DPP10: variants seen among roughly 807,000 people sequenced by gnomAD.
DPP10 encodes dipeptidyl peptidase like 10.
A neutral mutation model predicts 120.9 loss-of-function variants in DPP10; 33 were observed. The ratio of observed to expected loss-of-function variants is 0.27; its 90% confidence interval spans 0.21 to 0.37. The LOEUF (loss-of-function observed/expected upper bound fraction) is 0.37. Among genes scored for constraint, DPP10 ranks in the 10% least tolerant of loss-of-function variants. The pLI is 1.00. For missense variants in DPP10, 816 were observed against 942.8 expected (o/e 0.87, Z 1.76); for synonymous variants, 337 against 326.1 (o/e 1.03, Z -0.36).
At chr2:115,829,959 T>C (rs939579472) in intron 21 of DPP10, among the ~76,000 whole-genome samples, 1 of 152,100 alleles carries the variant, frequency 6.6e-6, no homozygotes, top group Non-Finnish European at 1.5e-5. Flanking sequence ...CCTAACCTCA[T>C]TTAATATATA....
chr2:115,020,017 A>G (rs1702956315), intron 1 of DPP10, among the ~76,000 whole-genome samples: 1 of 152,214 alleles, frequency 6.6e-6, no homozygotes, highest in Non-Finnish European at 1.5e-5. Flanking sequence ...CAAAAGGAGC[A>G]TGAAATCTTA....
At chr2:115,592,780 AAAG>A (rs1047241347) in intron 5 of DPP10, among the ~76,000 whole-genome samples, 6 of 151,856 alleles carry the variant, frequency 4.0e-5, no homozygotes, top group African/African-American at 1.5e-4. Context: ...AAGAAAGAAA[AAAG>A]AAAGAAAGGA....
intron 1 of DPP10, among the ~76,000 whole-genome samples, chr2:115,167,083 G>A (rs1355144999): frequency 6.6e-6 from 1 of 152,086 alleles, no homozygotes; most frequent in Non-Finnish European, 1.5e-5. Context: ...GTGTTTTCTT[G>A]GGCAGGATAA....
intron 1 of DPP10, among the ~76,000 whole-genome samples, chr2:114,841,863 C>T (rs957840997): frequency 6.6e-6 from 1 of 152,064 alleles, no homozygotes; most frequent in African/African-American, 2.4e-5. Context: ...GAAGTGGAGA[C>T]ACCCGGCACT....
At chr2:114,696,763 G>A (rs981535753) in intron 1 of DPP10, among the ~76,000 whole-genome samples, 3 of 151,790 alleles carry the variant, frequency 2.0e-5, no homozygotes, top group African/African-American at 7.3e-5. Flanking sequence ...AGGTGGAGAG[G>A]TGAATGAAAA....
At chr2:115,313,215 C>G (rs2061655426) in intron 2 of DPP10, among the ~76,000 whole-genome samples, 2 of 152,108 alleles carry the variant, frequency 1.3e-5, no homozygotes, top group Non-Finnish European at 2.9e-5. Context: ...GAACGAGACT[C>G]TGTCTCAAAA....
intron 1 of DPP10, among the ~76,000 whole-genome samples, chr2:114,521,981 G>A (rs1416891068): frequency 6.1e-5 from 4 of 66,096 alleles, no homozygotes; most frequent in African/African-American, 2.1e-4. Flanking sequence ...CTAATTTTTT[G>A]TATTTTTTTT....
At chr2:114,911,853 A>G (rs1694391294) in intron 1 of DPP10, among the ~76,000 whole-genome samples, 1 of 152,172 alleles carries the variant, frequency 6.6e-6, no homozygotes, top group South Asian at 2.1e-4. Flanking sequence ...GCTGCTCTGT[A>G]GAGAATGAAT....
At chr2:114,582,566 A>G (rs1422591941) in intron 1 of DPP10, among the ~76,000 whole-genome samples, 2 of 152,220 alleles carry the variant, frequency 1.3e-5, no homozygotes, top group Admixed American at 6.5e-5. Flanking sequence ...ACCAATGGAC[A>G]ATAACTCCTG....
chr2:114,452,080 C>T (rs1471561525), intron 1 of DPP10, among the ~76,000 whole-genome samples: 1 of 152,016 alleles, frequency 6.6e-6, no homozygotes, highest in Non-Finnish European at 1.5e-5. Flanking sequence ...TGACTAATGC[C>T]AATCATTTAG....
intron 1 of DPP10, among the ~76,000 whole-genome samples, chr2:115,205,117 T>C (rs1054155928): frequency 5.3e-5 from 8 of 152,194 alleles, no homozygotes; most frequent in African/African-American, 1.9e-4. Flanking sequence ...TTGTCAATTT[T>C]TATTTTTGTT....
intron 3 of DPP10, among the ~76,000 whole-genome samples, chr2:115,399,819 G>A (rs2067936225): frequency 6.6e-6 from 1 of 151,962 alleles, no homozygotes; most frequent in South Asian, 2.1e-4. Flanking sequence ...AATTCTAATG[G>A]TTCTCTTTAC....
chr2:115,377,212 TG>T (rs1195419630), intron 3 of DPP10, among the ~76,000 whole-genome samples: 3 of 151,638 alleles, frequency 2.0e-5, no homozygotes, highest in African/African-American at 4.8e-5. Flanking sequence ...CTCCAGCACC[TG>T]TTGTTTCCTG....
intron 3 of DPP10, among the ~76,000 whole-genome samples, chr2:115,449,868 T>C (rs1161790335): frequency 1.3e-5 from 2 of 152,050 alleles, no homozygotes; most frequent in African/African-American, 2.4e-5. Flanking sequence ...GTTACAAATA[T>C]GTATAGTAAA....
intron 21 of DPP10, among the ~76,000 whole-genome samples, chr2:115,829,563 T>C (rs2100069): frequency 0.12 from 18,511 of 152,166 alleles, 1,301 homozygotes; most frequent in African/African-American, 0.18. Context: ...AATTAAAATT[T>C]GTTTCAACAG....
At chr2:114,766,775 G>T (rs1052962258) in intron 1 of DPP10, among the ~76,000 whole-genome samples, 1 of 151,962 alleles carries the variant, frequency 6.6e-6, no homozygotes, top group African/African-American at 2.4e-5. Context: ...TAGTTGCCAG[G>T]GGGGCAGAGA....
Position 114,842,504 on chromosome 2 carries a change from T to A in DPP10, c.60+399666T>A, listed in dbSNP as rs191287643. Among the ~76,000 whole-genome samples, 42 of 152,154 alleles carry A rather than the reference T, an allele frequency of 2.8e-4. 1 individual carries two copies. In the East Asian group the frequency reaches 6.8e-3, roughly 25 times the overall value. The stretch of plus-strand genomic sequence containing the variant: ...GCACAGCAACTCCCCATGATTAGAA[T>A]CATGGAAAACTAATGCATATAGATC... On this transcript the variant is annotated intron_variant, in intron 1 of 25. Transcript: ENST00000410059.
chr2:115,655,326 G>C (rs2088200396), intron 5 of DPP10, among the ~76,000 whole-genome samples: 2 of 151,640 alleles, frequency 1.3e-5, no homozygotes, highest in Non-Finnish European at 3.0e-5. Flanking sequence ...CTAATAATAT[G>C]TATTGCTTTG....
intron 1 of DPP10, among the ~76,000 whole-genome samples, chr2:114,671,976 A>G (rs1489604195): frequency 2.0e-5 from 3 of 152,154 alleles, no homozygotes; most frequent in Non-Finnish European, 4.4e-5. Context: ...GACTTTGTTT[A>G]GAATATTTGC....
Sources: allele counts gnomAD v4.1 joint callset (sites outside exome capture counted in the v4.1 genomes callset), GRCh38; gene constraint gnomAD v4.1.1; transcripts MANE v1.5; gene names NCBI Gene and HGNC (gene_info 2026-07-23, HGNC 2026-07-21).